Variants in DPYD observed in about 807,000 individuals in gnomAD.
The protein encoded by DPYD is dihydropyrimidine dehydrogenase, also known as dihydropyrimidine dehydrogenase [NADP(+)].
DPYD carries 109 observed loss-of-function variants against 116.2 expected under a neutral mutation model. The observed-to-expected ratio is 0.94, with a 90% CI of 0.80 to 1.10. The LOEUF is 1.10. DPYD is among the 50% of genes least tolerant of loss of function. The pLI is 0.00. For synonymous variants in DPYD, 440 were observed against 432.0 expected (o/e 1.02, Z -0.23); for missense variants, 1,302 against 1,254.5 (o/e 1.04, Z -0.57).
chr1:97,664,533 T>C (rs1038853144), intron 8 of DPYD, among the ~76,000 whole-genome samples: 1 of 151,978 alleles, frequency 6.6e-6, no homozygotes. Context: ...TATATCTACA[T>C]AATATATATA....
intron 18 of DPYD, among the ~76,000 whole-genome samples, chr1:97,236,883 C>T (rs778534157): frequency 5.3e-5 from 8 of 152,104 alleles, no homozygotes; most frequent in Non-Finnish European, 1.2e-4. Context: ...GTATCTTCCT[C>T]TCAATTTTGC....
At chr1:97,776,520 T>C (rs1666415249) in intron 3 of DPYD, among the ~76,000 whole-genome samples, 1 of 152,222 alleles carries the variant, frequency 6.6e-6, no homozygotes, top group African/African-American at 2.4e-5. Context: ...GAGGTGATCC[T>C]CTTAAAAAGG....
intron 1 of DPYD, among the ~76,000 whole-genome samples, chr1:97,902,409 G>T (rs1330809080): frequency 2.6e-5 from 4 of 151,762 alleles, no homozygotes; most frequent in Non-Finnish European, 4.4e-5. Context: ...ATTAGAAGAT[G>T]CATAAATAAT....
intron 8 of DPYD, among the ~76,000 whole-genome samples, chr1:97,614,897 C>A (rs534739626): frequency 5.5e-4 from 83 of 152,036 alleles, no homozygotes; most frequent in Non-Finnish European, 1.1e-3. Flanking sequence ...ATTCAAAAAT[C>A]AATGCTCTTT....
intron 14 of DPYD, among the ~76,000 whole-genome samples, chr1:97,395,087 T>C (rs1672939611): frequency 6.6e-6 from 1 of 151,918 alleles, no homozygotes; most frequent in Non-Finnish European, 1.5e-5. Context: ...ATTGCTCCTC[T>C]GACTTCCTTT....
chr1:97,251,051 T>C (rs1057175784), intron 18 of DPYD, among the ~76,000 whole-genome samples: 6 of 152,170 alleles, frequency 3.9e-5, no homozygotes, highest in Non-Finnish European at 7.4e-5. Context: ...TCAGAATCTT[T>C]CAAATACTTA....
chr1:97,761,035 AC>A (rs1454852567), intron 3 of DPYD, among the ~76,000 whole-genome samples: 1 of 151,924 alleles, frequency 6.6e-6, no homozygotes, highest in East Asian at 1.9e-4. Context: ...AGGTCCAGCC[AC>A]CCCTCGTGTG....
chr1:97,316,791 T>C (rs1301530117), intron 16 of DPYD, among the ~76,000 whole-genome samples: 1 of 151,882 alleles, frequency 6.6e-6, no homozygotes, highest in Admixed American at 6.6e-5. Flanking sequence ...CCTGCCTGAA[T>C]TGACCTAAAG....
chr1:97,279,640 G>C (rs899741463), intron 18 of DPYD, among the ~76,000 whole-genome samples: 3 of 152,184 alleles, frequency 2.0e-5, no homozygotes, highest in Non-Finnish European at 4.4e-5. Context: ...CCTCCGAGTA[G>C]CTGGGACAAC....
chr1:97,807,910 C>T (rs1410074762), intron 3 of DPYD, among the ~76,000 whole-genome samples: 1 of 152,000 alleles, frequency 6.6e-6, no homozygotes, highest in Non-Finnish European at 1.5e-5. Context: ...TGCCTTTGCA[C>T]CTTTGTCAAA....
intron 13 of DPYD, among the ~76,000 whole-genome samples, chr1:97,510,619 G>A (rs1031724270): frequency 4.6e-5 from 7 of 151,980 alleles, no homozygotes; most frequent in Admixed American, 2.0e-4. Flanking sequence ...CAGAGGGCAA[G>A]TTAGGACTGT....
intron 20 of DPYD, among the ~76,000 whole-genome samples, chr1:97,173,582 A>G (rs1227962944): frequency 1.3e-5 from 2 of 151,256 alleles, no homozygotes; most frequent in East Asian, 3.9e-4. Flanking sequence ...TTGATCATCA[A>G]TGATAAAGAG....
In DPYD at chr1:97,165,126, T is replaced by C. The variant is rs183232397; in HGVS notation, c.2622+27943A>G. On this transcript the variant is annotated intron_variant, in intron 20 of 22. Transcript: ENST00000370192. Reference sequence around the variant, plus strand: ...AAAAGAGCCCAATTAGCCAAGGCAATCCTAAGCAAAAAGAACAAAGCTGGA... The same window carrying C: ...AAAAGAGCCCAATTAGCCAAGGCAACCCTAAGCAAAAAGAACAAAGCTGGA... Among the ~76,000 whole-genome samples the C allele has an allele frequency of 2.0e-5, 3 of 152,150 alleles. No homozygotes were observed. The East Asian group carries it at 5.8e-4, about 29-fold the overall frequency.
chr1:97,879,358 C>G (rs953557563), intron 2 of DPYD, among the ~76,000 whole-genome samples: 2 of 151,820 alleles, frequency 1.3e-5, no homozygotes, highest in African/African-American at 4.8e-5. Flanking sequence ...TAATAATTGG[C>G]TAATTGGCTG....
intron 1 of DPYD, among the ~76,000 whole-genome samples, chr1:97,902,697 G>C (rs1455980696): frequency 6.6e-6 from 1 of 151,780 alleles, no homozygotes; most frequent in Non-Finnish European, 1.5e-5. Context: ...TATATAATAA[G>C]AGGTAATTTC....
At chr1:97,278,360 C>T (rs1665091421) in intron 18 of DPYD, among the ~76,000 whole-genome samples, 1 of 152,180 alleles carries the variant, frequency 6.6e-6, no homozygotes, top group African/African-American at 2.4e-5. Context: ...CATTTACTTT[C>T]TGACTGCCCC....
intron 12 of DPYD, 88 bp downstream of exon 12, chr1:97,549,472 A>G (rs1465688721): frequency 1.4e-6 from 2 of 1,401,974 alleles, no homozygotes; most frequent in African/African-American, 1.4e-5. Flanking sequence ...TATACCAAAT[A>G]GAAATGCTCT....
At chr1:97,406,390 TTTTA>T (rs199696412) in intron 14 of DPYD, among the ~76,000 whole-genome samples, 36,575 of 150,140 alleles carry the variant, frequency 0.24, 4,556 homozygotes, top group South Asian at 0.37. Context: ...CATCAGGAAT[TTTTA>T]TTTATTTATT....
chr1:97,317,072 G>A (rs1667900002), intron 16 of DPYD, among the ~76,000 whole-genome samples: 1 of 151,888 alleles, frequency 6.6e-6, no homozygotes, highest in African/African-American at 2.4e-5. Flanking sequence ...CTACATTAAA[G>A]CATTTCAGAA....
Sources: allele counts gnomAD v4.1 joint callset (sites outside exome capture counted in the v4.1 genomes callset), GRCh38; gene constraint gnomAD v4.1.1; transcripts MANE v1.5; gene names NCBI Gene and HGNC (gene_info 2026-07-23, HGNC 2026-07-21).